The following SCAMP4 variants were observed in gnomAD, a reference collection of about 807,000 sequenced individuals.
SCAMP4 encodes the protein secretory carrier-associated membrane protein 4.
Under a neutral mutation model 32.1 loss-of-function variants are expected in SCAMP4, and 19 were observed. That is an observed-to-expected ratio of 0.59 (90% confidence interval 0.41 to 0.87). SCAMP4 has a LOEUF of 0.87. SCAMP4 is among the 40% of genes least tolerant of loss of function. The pLI, the probability that SCAMP4 is intolerant of heterozygous loss-of-function variation, is 0.00. For missense variants in SCAMP4, 302 were observed against 309.0 expected (o/e 0.98, Z 0.17); for synonymous variants, 152 against 132.7 (o/e 1.15, Z -1.00).
At position 1,924,616 on chromosome 19, in the gene SCAMP4, G is replaced by C; in HGVS notation, c.*332G>C. The C allele has an allele frequency of 3.1e-6, 1 of 320,616 alleles. No homozygotes were observed. Among genetic ancestry groups the C allele is most frequent in the Non-Finnish European group, 6.1e-6 (1 of 163,136 alleles). 19.9% of individuals were successfully genotyped at this position (320,616 alleles called of 1,614,324 possible). A position where few individuals can be genotyped will look rare whatever the true frequency, so the allele number is the denominator to read the frequency against. On this transcript the variant is annotated 3_prime_UTR_variant, in exon 7 of 7. Coordinates refer to ENST00000316097, the MANE Select transcript of SCAMP4 (RefSeq NM_079834.4). ...TCAGGTCTCGAGGCCTGACTCCGGG[G>C]GACAGGTGGCAGCAGGTCGGCCGCC...
At chr19:1,919,531 C>G (rs1263069836) in intron 5 of SCAMP4, 2 of 876,954 alleles carry the variant, frequency 2.3e-6, no homozygotes, top group East Asian at 2.5e-4. Context: ...GAGTCTTGCT[C>G]TGTCACCCAG....
chr19:1,919,203 C>G lies in SCAMP4; in HGVS notation c.395+213C>G, dbSNP rs1213428627. 10 of 1,413,540 alleles carry G rather than the reference C, an allele frequency of 7.1e-6. No homozygotes were observed. In the African/African-American group the frequency reaches 1.0e-4, roughly 14 times the overall value. 87.6% of individuals were successfully genotyped at this position (1,413,540 alleles called of 1,614,324 possible). A position where few individuals can be genotyped will look rare whatever the true frequency, so the allele number is the denominator to read the frequency against. On this transcript the variant is annotated intron_variant, in intron 5 of 6. Transcript: ENST00000316097. Reference sequence around the variant, plus strand: ...CAGCCATGGTTCGCGATTGTAGGCACTCTCCTAGGGAGGGGTCCGAGCTCG... The same window carrying G: ...CAGCCATGGTTCGCGATTGTAGGCAGTCTCCTAGGGAGGGGTCCGAGCTCG...
chr19:1,918,676 C>A lies in SCAMP4; in HGVS notation c.294-213C>A, dbSNP rs1030697337. The A allele has an allele frequency of 4.3e-6, 3 of 697,416 alleles. No individual in the cohort carries two copies. The African/African-American group carries it at 5.5e-5, about 13-fold the overall frequency. 43.2% of individuals were successfully genotyped at this position (697,416 alleles called of 1,614,324 possible). A position where few individuals can be genotyped will look rare whatever the true frequency, so the allele number is the denominator to read the frequency against. ...ACTCAGGAGGCTGAGGCAAGAGAAT[C>A]GCTTGAACCCGGGAGGCAGAGGTTG... is the stretch of plus-strand genomic sequence containing the variant. On this transcript the variant is annotated intron_variant, in intron 4 of 6. Coordinates refer to ENST00000316097, the MANE Select transcript of SCAMP4 (RefSeq NM_079834.4).
At position 1,924,781 on chromosome 19, in the gene SCAMP4, C is replaced by T. The variant is rs1301065569; in HGVS notation, c.*497C>T. ...AGGCGTCGGGGCCAGCTTCCGGTCC[C>T]CTGCAGTGATAGAGGGCTTGGTGCC... On this transcript the variant is annotated 3_prime_UTR_variant, in exon 7 of 7. Transcript: ENST00000316097. 14 of 190,346 alleles carry T rather than the reference C, an allele frequency of 7.4e-5. No homozygotes were observed. Among genetic ancestry groups the T allele is most frequent in the Non-Finnish European group, 1.6e-4 (14 of 88,740 alleles). The allele number at this position is 190,346 out of a possible 1,614,324, so 11.8% of individuals were successfully genotyped here.
chr19:1,923,912 ACCG>A (rs2014008310), intron 6 of SCAMP4, among the ~76,000 whole-genome samples, 193 bp from the exon 7 acceptor site: 1 of 43,516 alleles, frequency 2.3e-5, no homozygotes, highest in Non-Finnish European at 5.6e-5. Flanking sequence ...GGCGTGAGCC[ACCG>A]TGCCCGGCCT....
intron 5 of SCAMP4, chr19:1,922,665 G>C (rs2013957043): frequency 1.0e-6 from 1 of 988,654 alleles, no homozygotes. Flanking sequence ...CCGTAGGCTG[G>C]GTTCTTAGTA....
rs1012463640 is a variant in SCAMP4 at position 1,924,385 on chromosome 19, C to T, written c.*101C>T. On this transcript the variant is annotated 3_prime_UTR_variant, in exon 7 of 7. Coordinates refer to ENST00000316097, the MANE Select transcript of SCAMP4 (RefSeq NM_079834.4). ...GGGAGTACCTGGGGCCCCATCCCCC[C>T]AGCTGGGATGGTGGAAGCCGGTGGT... 5 of 1,110,150 alleles carry T rather than the reference C, an allele frequency of 4.5e-6. No homozygotes were observed. Among genetic ancestry groups the T allele is most frequent in the Non-Finnish European group, 5.1e-6 (4 of 778,054 alleles). The allele number at this position is 1,110,150 out of a possible 1,614,324, so 68.8% of individuals were successfully genotyped here.
chr19:1,913,064 C>T (rs776784265), intron 1 of SCAMP4: 1 of 1,602,562 alleles, frequency 6.2e-7, no homozygotes, highest in Non-Finnish European at 8.5e-7. Flanking sequence ...GCTTCCGCAT[C>T]CACGCACGGC....
Position 1,924,041 on chromosome 19 carries a change from T to G in SCAMP4, c.514-67T>G, listed in dbSNP as rs940156909. ...TCCCGAAGTGCTGGGATGACAGGCG[T>G]GAGTCCCCGTGCCCGGCCGCCATGC... On this transcript the variant is annotated intron_variant, in intron 6 of 6. Transcript: ENST00000316097. 161 of 1,391,468 alleles carry G rather than the reference T, an allele frequency of 1.2e-4. 4 individuals carry two copies. Among genetic ancestry groups the G allele is most frequent in the Non-Finnish European group, 1.5e-4 (156 of 1,020,676 alleles). The allele number at this position is 1,391,468 out of a possible 1,614,324, so 86.2% of individuals were successfully genotyped here. A position where few individuals can be genotyped will look rare whatever the true frequency, so the allele number is the denominator to read the frequency against.
rs2014083335 is a variant in SCAMP4, at chr19:1,925,909, A to AC, written c.*1625_*1626insC. On this transcript the variant is annotated 3_prime_UTR_variant, in exon 7 of 7. Coordinates refer to ENST00000316097, the MANE Select transcript of SCAMP4 (RefSeq NM_079834.4). The stretch of plus-strand genomic sequence containing the variant: ...AGACAAAATCTCACCTGGCAGGCCC[A>AC]ACCCCCCCCCACCCCTCCCCCGCCG... The AC allele has an allele frequency of 3.0e-5, 1 of 33,458 alleles. No individual in the cohort carries two copies. Among genetic ancestry groups the AC allele is most frequent in the African/African-American group, 1.4e-4 (1 of 6,918 alleles). 2.1% of individuals were successfully genotyped at this position (33,458 alleles called of 1,614,324 possible). A position where few individuals can be genotyped will look rare whatever the true frequency, so the allele number is the denominator to read the frequency against.
In SCAMP4 at chr19:1,924,059, C is replaced by CTATTTTTTATATTGTAGTA. The variant is rs1401175313; in HGVS notation, c.514-49_514-48insTATTTTTTATATTGTAGTA. ...ACAGGCGTGAGTCCCCGTGCCCGGC[C>CTATTTTTTATATTGTAGTA]GCCATGCTCATTTTCTGTCTTCTGC... On this transcript the variant is annotated intron_variant, in intron 6 of 6. Transcript: ENST00000316097. 3.9e-5 allele frequency: 60 copies of CTATTTTTTATATTGTAGTA among 1,541,406 alleles called. No individual in the cohort carries two copies. In the African/African-American group the frequency reaches 5.9e-4, roughly 15 times the overall value.
intron 2 of SCAMP4, among the ~76,000 whole-genome samples, chr19:1,917,449 G>T (rs2013768862): frequency 6.6e-6 from 1 of 152,108 alleles, no homozygotes. Context: ...TCCACTCAGG[G>T]CCCCTTTCTC....
intron 1 of SCAMP4, chr19:1,912,318 C>T: frequency 6.4e-7 from 1 of 1,550,652 alleles, no homozygotes. Flanking sequence ...CCAGCCTCAC[C>T]TCAAGCGGGT....
chr19:1,923,383 G>A lies in SCAMP4; in HGVS notation c.513+196G>A, dbSNP rs549308233. Among the ~76,000 whole-genome samples the A allele has an allele frequency of 1.2e-4, 19 of 152,248 alleles. No homozygotes were observed. The South Asian group carries it at 2.1e-3, about 17-fold the overall frequency. The stretch of plus-strand genomic sequence containing the variant: ...CCAGGGACACTCCCAGGGACCCAGC[G>A]CCTGGGTTCCTATGGGGCCAGTCCT... On this transcript the variant is annotated intron_variant, in intron 6 of 6. Coordinates refer to ENST00000316097, the MANE Select transcript of SCAMP4 (RefSeq NM_079834.4).
chr19:1,912,930 T>C, intron 1 of SCAMP4: 2 of 1,610,292 alleles, frequency 1.2e-6, no homozygotes, highest in Non-Finnish European at 1.7e-6. Flanking sequence ...CCCCTACCTG[T>C]GCACTGGCTA....
At chr19:1,922,054 C>A in intron 5 of SCAMP4, 1 of 985,466 alleles carries the variant, frequency 1.0e-6, no homozygotes, top group Admixed American at 6.1e-5. Context: ...AGGAGAGAGA[C>A]TGTACGTCGT....
chr19:1,912,786 C>G lies in SCAMP4; in HGVS notation c.-41-2193C>G, dbSNP rs1196409855. 5.7e-6 allele frequency: 9 copies of G among 1,570,592 alleles called. No individual in the cohort carries two copies. In the East Asian group the frequency reaches 1.9e-4, roughly 33 times the overall value. ...GCACGCCGTCATGGTGTGCGTGGAC[C>G]TCGTGGCGCGCGGCCAGGGCCGCGG... On this transcript the variant is annotated intron_variant, in intron 1 of 6. Coordinates refer to ENST00000316097, the MANE Select transcript of SCAMP4 (RefSeq NM_079834.4).
At chr19:1,912,700 C>T (rs1033232406) in intron 1 of SCAMP4, 10 of 1,485,908 alleles carry the variant, frequency 6.7e-6, no homozygotes, top group East Asian at 5.5e-5. Flanking sequence ...GTAGTGGACC[C>T]GGCCTCGGAC....
chr19:1,923,110 G>C lies in SCAMP4; in HGVS notation c.436G>C (p.Gly146Arg), dbSNP rs1304322924. ...SAIGFFQYSP[G>R]AAVVMLLPAI... Reference sequence around the variant, plus strand: ...AATTGGATTCTTCCAGTACAGCCCGGGCGCTGCCGTGGTCATGCTGCTTCC... The same window carrying C: ...AATTGGATTCTTCCAGTACAGCCCGCGCGCTGCCGTGGTCATGCTGCTTCC... Residue 146 changes from glycine to arginine, a missense_variant, in exon 6 of 7, where the codon GGC becomes CGC. Gly to Arg is a moderately radical substitution (Grantham distance 125). Transcript: ENST00000316097. 1 of 1,552,804 alleles carries C rather than the reference G, an allele frequency of 6.4e-7. No individual in the cohort carries two copies. Among genetic ancestry groups the C allele is most frequent in the South Asian group, 1.2e-5 (1 of 83,982 alleles).
Sources: gnomAD v4.1 joint callset for allele counts (sites outside exome capture counted in the v4.1 genomes callset) on GRCh38, gnomAD v4.1.1 for gene constraint, MANE v1.5 for transcripts, NCBI Gene and HGNC (gene_info 2026-07-23, HGNC 2026-07-21) for gene names.